SYCP1: variants seen among roughly 807,000 people sequenced by gnomAD.
SYCP1 encodes cancer/testis antigen 8.
Under a neutral mutation model 153.1 loss-of-function variants are expected in SYCP1, and 64 were observed. The ratio of observed to expected loss-of-function variants is 0.42; its 90% CI spans 0.34 to 0.51. The LOEUF is 0.51. Among genes scored for constraint, SYCP1 ranks in the 20% least tolerant of loss-of-function variants. The pLI, the probability that SYCP1 is intolerant of heterozygous loss-of-function variation, is 0.06. For missense variants in SYCP1, 997 were observed against 1,049.0 expected (o/e 0.95, Z 0.68); for synonymous variants, 384 against 341.8 (o/e 1.12, Z -1.36).
chr1:114,858,678 T>G lies in SYCP1; in HGVS notation c.423T>G (p.Ile141Met). The G allele has an allele frequency of 6.2e-7, 1 of 1,612,184 alleles. No individual in the cohort carries two copies. Among genetic ancestry groups the G allele is most frequent in the South Asian group, 1.1e-5 (1 of 90,926 alleles). The stretch of plus-strand genomic sequence containing the variant: ...AGTTGCAAGAAAACAGAAAGATAAT[T>G]GAAGCACAGCGAAAAGCCATTCAGG... ...ESKLQENRKI[I>M]EAQRKAIQEL... Residue 141 changes from isoleucine to methionine, a missense_variant, in exon 6 of 32, where the codon ATT becomes ATG. This residue lies in a region of SYCP1 where 285 missense variants were observed against 366.1 expected (regional missense o/e 0.78). Transcript: ENST00000369522.
In SYCP1 at chr1:114,856,664, G is replaced by A; in HGVS notation, c.193+7G>A. The A allele has an allele frequency of 6.3e-7, 1 of 1,599,376 alleles. No homozygotes were observed. The highest frequency in any genetic ancestry group is 8.5e-7 in the Non-Finnish European group (1 of 1,171,170). On this transcript the variant is annotated splice_region_variant and intron_variant, in intron 3 of 31. Transcript: ENST00000369522. ...GGGGAAAACATTGATTCAGGTAGGA[G>A]CATGGAAAAGCAGTGTATCAGCTTA... is the stretch of plus-strand genomic sequence containing the variant.
At chr1:114,875,413 C>T (rs1665449833) in intron 9 of SYCP1, among the ~76,000 whole-genome samples, 1 of 151,964 alleles carries the variant, frequency 6.6e-6, no homozygotes, top group Admixed American at 6.6e-5. Flanking sequence ...GGGACAGCCA[C>T]TACGCCCGGC....
chr1:114,857,157 A>AAAAAAAAAG lies in SYCP1; in HGVS notation c.194-75_194-74insAAAAAAAAG, dbSNP rs1664040863. On this transcript the variant is annotated intron_variant, in intron 3 of 31. Coordinates refer to ENST00000369522, the MANE Select transcript of SYCP1 (RefSeq NM_003176.4). ...CTCTCAAAAAAAAAAAAAAAAAAAA[A>AAAAAAAAAG]GAGAAAAAAGAAAAAAAAAAAGAAA... is the stretch of plus-strand genomic sequence containing the variant. 55 of 881,448 alleles carry AAAAAAAAAG rather than the reference A, an allele frequency of 6.2e-5. 1 individual carries two copies. Among genetic ancestry groups the AAAAAAAAAG allele is most frequent in the Non-Finnish European group, 7.7e-5 (48 of 621,254 alleles). 54.6% of individuals were successfully genotyped at this position (881,448 alleles called of 1,614,324 possible).
chr1:114,899,619 A>C (rs1667286485), intron 16 of SYCP1, among the ~76,000 whole-genome samples: 1 of 152,212 alleles, frequency 6.6e-6, no homozygotes, highest in African/African-American at 2.4e-5. Context: ...TACAATTAGA[A>C]ACACAATTGA....
chr1:114,944,466 CTT>C lies in SYCP1; in HGVS notation c.2043+12_2043+13del, dbSNP rs759468807. The C allele has an allele frequency of 1.4e-6, 2 of 1,452,986 alleles. No homozygotes were observed. The highest frequency in any genetic ancestry group is 1.2e-5 in the South Asian group (1 of 83,456). 90.0% of individuals were successfully genotyped at this position (1,452,986 alleles called of 1,614,324 possible). A position where few individuals can be genotyped will look rare whatever the true frequency, so the allele number is the denominator to read the frequency against. ...AATCTTTTGGAAGAGGTGGGAAAAA[CTT>C]AATGTATTAAGAACTTATTATACTA... On this transcript the variant is annotated intron_variant, in intron 24 of 31. Transcript: ENST00000369522.
At chr1:114,880,853 A>G (rs1009243820) in intron 12 of SYCP1, among the ~76,000 whole-genome samples, 1 of 152,122 alleles carries the variant, frequency 6.6e-6, no homozygotes, top group African/African-American at 2.4e-5. Flanking sequence ...CTCCCTAGAA[A>G]TATTCATTTA....
intron 28 of SYCP1, among the ~76,000 whole-genome samples, chr1:114,978,853 A>G (rs1672964590): frequency 1.3e-5 from 2 of 151,686 alleles, no homozygotes; most frequent in Non-Finnish European, 3.0e-5. Flanking sequence ...AATTATGCAG[A>G]ATGGTTAGAT....
rs151257769 is a variant in SYCP1 at position 114,956,465 on chromosome 1, C to T, written c.2322+9145C>T. 5.3e-5 allele frequency among the ~76,000 whole-genome samples: 8 copies of T among 152,316 alleles called. No individual in the cohort carries two copies. The East Asian group carries it at 1.5e-3, about 29-fold the overall frequency. On this transcript the variant is annotated intron_variant, in intron 27 of 31. Coordinates refer to ENST00000369522, the MANE Select transcript of SYCP1 (RefSeq NM_003176.4). ...GTCTGTGCAGGGTTCTCCTAGGAGACATGTGTTCTCTCAGCCACCAAGATT... is the reference window on the plus strand; with the variant it reads ...GTCTGTGCAGGGTTCTCCTAGGAGATATGTGTTCTCTCAGCCACCAAGATT...
intron 16 of SYCP1, among the ~76,000 whole-genome samples, chr1:114,904,808 G>T (rs1484449143): frequency 2.0e-5 from 3 of 152,146 alleles, no homozygotes; most frequent in African/African-American, 7.2e-5. Flanking sequence ...AACATTCAGT[G>T]TTTTACCATT....
chr1:114,925,289 T>C (rs1041739082), intron 21 of SYCP1, among the ~76,000 whole-genome samples: 11 of 152,166 alleles, frequency 7.2e-5, no homozygotes, highest in Non-Finnish European at 1.3e-4. Context: ...GCCTGTTGTT[T>C]GTTAATGGAG....
chr1:114,923,935 A>G (rs1669081696), intron 21 of SYCP1, among the ~76,000 whole-genome samples: 1 of 152,182 alleles, frequency 6.6e-6, no homozygotes, highest in Admixed American at 6.5e-5. Flanking sequence ...GGAATAGTAC[A>G]AGATATGTGA....
intron 21 of SYCP1, among the ~76,000 whole-genome samples, 166 bp from the exon 22 acceptor site, chr1:114,926,112 T>A (rs1053349177): frequency 6.6e-6 from 1 of 152,080 alleles, no homozygotes; most frequent in African/African-American, 2.4e-5. Context: ...ATTTAGATGA[T>A]CTTTATTGAA....
intron 23 of SYCP1, among the ~76,000 whole-genome samples, chr1:114,934,559 A>T (rs978832080): frequency 6.6e-6 from 1 of 152,206 alleles, no homozygotes; most frequent in Non-Finnish European, 1.5e-5. Flanking sequence ...ACACATAACA[A>T]TATTAACCTT....
At chr1:114,869,057 T>C (rs1664944134) in intron 8 of SYCP1, among the ~76,000 whole-genome samples, 1 of 152,168 alleles carries the variant, frequency 6.6e-6, no homozygotes, top group Admixed American at 6.5e-5. Context: ...CTCTAATTTT[T>C]ATTACTTCTT....
chr1:114,993,350 G>A (rs1466994877), intron 30 of SYCP1, among the ~76,000 whole-genome samples: 1 of 151,508 alleles, frequency 6.6e-6, no homozygotes, highest in Non-Finnish European at 1.5e-5. Context: ...TTTGTTAAAT[G>A]TGGCTTTAAT....
intron 16 of SYCP1, among the ~76,000 whole-genome samples, chr1:114,901,909 T>G (rs371096775): frequency 8.6e-5 from 13 of 152,044 alleles, no homozygotes; most frequent in African/African-American, 3.1e-4. Flanking sequence ...GCTGACAGGG[T>G]GAAGAGAAAA....
intron 16 of SYCP1, among the ~76,000 whole-genome samples, chr1:114,896,725 T>C (rs1667082402): frequency 6.6e-6 from 1 of 152,212 alleles, no homozygotes; most frequent in Admixed American, 6.5e-5. Context: ...ATTTGTTGAA[T>C]GAATACTAAA....
chr1:114,915,113 GA>G (rs1176750781), intron 20 of SYCP1, among the ~76,000 whole-genome samples: 2 of 150,380 alleles, frequency 1.3e-5, no homozygotes, highest in South Asian at 2.1e-4. Flanking sequence ...AAAAAACAAA[GA>G]AAAAAACAAA....
At chr1:114,869,835 G>A (rs1291131224) in intron 8 of SYCP1, among the ~76,000 whole-genome samples, 3 of 152,098 alleles carry the variant, frequency 2.0e-5, no homozygotes, top group South Asian at 4.1e-4. Flanking sequence ...TGCCTGCTGG[G>A]TCTGTCCATT....
Sources: gnomAD v4.1 joint callset for allele counts (sites outside exome capture counted in the v4.1 genomes callset) on GRCh38, gnomAD v4.1.1 for gene constraint, gnomAD v4.1.1 regional missense constraint, MANE v1.5 for transcripts, NCBI Gene and HGNC (gene_info 2026-07-23, HGNC 2026-07-21) for gene names.